The following LINGO2 variants were observed in gnomAD, a reference collection of about 807,000 sequenced individuals.
LINGO2 encodes leucine-rich repeat and immunoglobulin-like domain-containing nogo receptor-interacting protein 2.
Under a neutral mutation model 30.6 loss-of-function variants are expected in LINGO2, and 14 were observed. The ratio of observed to expected loss-of-function variants is 0.46; its 90% confidence interval spans 0.30 to 0.72. The LOEUF (loss-of-function observed/expected upper bound fraction) is 0.72. Ranked by LOEUF, LINGO2 falls within the 30% of genes least tolerant of loss-of-function variation. LINGO2 has a pLI of 0.07. For synonymous variants in LINGO2, 317 were observed against 288.5 expected, an observed-to-expected ratio of 1.10 and a Z score of -1.00; for missense variants, 729 against 751.7, an observed-to-expected ratio of 0.97 and a Z score of 0.35.
the LINGO2 span, among the ~76,000 whole-genome samples, chr9:29,041,677 T>C: frequency 6.6e-6 from 1 of 152,014 alleles, no homozygotes. Context: ...TGAACTTAGG[T>C]GTCAAACTAA....
the LINGO2 span, among the ~76,000 whole-genome samples, chr9:28,815,184 C>T: frequency 6.6e-6 from 1 of 152,226 alleles, no homozygotes; most frequent in Non-Finnish European, 1.5e-5. Flanking sequence ...GAAGACGCAC[C>T]TCACAACCCA....
chr9:28,904,129 T>C, the LINGO2 span, among the ~76,000 whole-genome samples: 1 of 150,446 alleles, frequency 6.6e-6, no homozygotes, highest in African/African-American at 2.4e-5. Context: ...TCTCAATCAA[T>C]ACAGAAAAAG....
chr9:28,666,011 C>T (rs909805501), intron 1 of LINGO2, among the ~76,000 whole-genome samples: 31 of 151,640 alleles, frequency 2.0e-4, no homozygotes, highest in African/African-American at 7.5e-4. Context: ...CCTGCCTCAG[C>T]CTCCTGAGTA....
chr9:28,474,574 G>A (rs1251809181), intron 2 of LINGO2, among the ~76,000 whole-genome samples: 1 of 152,006 alleles, frequency 6.6e-6, no homozygotes, highest in East Asian at 1.9e-4. Flanking sequence ...TATAATTTTT[G>A]TCATTTTTCA....
intron 1 of LINGO2, among the ~76,000 whole-genome samples, chr9:28,650,728 C>G (rs1279649693): frequency 6.6e-6 from 1 of 152,140 alleles, no homozygotes; most frequent in Admixed American, 6.5e-5. Context: ...TCTCAACAAA[C>G]AAACAAACTA....
chr9:28,861,330 T>G, the LINGO2 span, among the ~76,000 whole-genome samples: 1 of 131,448 alleles, frequency 7.6e-6, no homozygotes, highest in South Asian at 2.1e-4. Flanking sequence ...CTATATATAA[T>G]ATATATTATT....
intron 4 of LINGO2, among the ~76,000 whole-genome samples, chr9:28,081,992 T>C (rs1825785801): frequency 6.6e-6 from 1 of 152,196 alleles, no homozygotes; most frequent in South Asian, 2.1e-4. Context: ...AAGTATCAAT[T>C]AAGGTACTGT....
intron 3 of LINGO2, among the ~76,000 whole-genome samples, chr9:28,332,689 A>G (rs1316072686): frequency 1.3e-5 from 2 of 152,146 alleles, no homozygotes; most frequent in Non-Finnish European, 2.9e-5. Context: ...TCATGAAAAG[A>G]GAATCAAATG....
At chr9:28,765,919 A>G in the LINGO2 span, among the ~76,000 whole-genome samples, 1 of 152,110 alleles carries the variant, frequency 6.6e-6, no homozygotes, top group African/African-American at 2.4e-5. Context: ...AATAAATACA[A>G]CTGTCATACA....
At chr9:28,494,757 A>G (rs558013646) in intron 1 of LINGO2, among the ~76,000 whole-genome samples, 3 of 152,144 alleles carry the variant, frequency 2.0e-5, no homozygotes, top group Admixed American at 6.6e-5. Context: ...TGGGTCAAAT[A>G]GTATTTCTAG....
chr9:29,212,107 A>T, the LINGO2 span, among the ~76,000 whole-genome samples: 1 of 152,282 alleles, frequency 6.6e-6, no homozygotes, highest in East Asian at 1.9e-4. Context: ...GGCTGCCCTC[A>T]GGGTGCGGGT....
the LINGO2 span, among the ~76,000 whole-genome samples, chr9:29,146,119 C>T: frequency 6.6e-6 from 1 of 152,076 alleles, no homozygotes; most frequent in Non-Finnish European, 1.5e-5. Flanking sequence ...TAAAGCTGCA[C>T]TAGAGTATCA....
intron 5 of LINGO2, among the ~76,000 whole-genome samples, chr9:28,010,424 A>G (rs905083061): frequency 6.6e-6 from 1 of 152,098 alleles, no homozygotes; most frequent in Admixed American, 6.5e-5. Flanking sequence ...CCCATATGAT[A>G]CCACTTGATT....
intron 1 of LINGO2, among the ~76,000 whole-genome samples, chr9:28,550,124 G>C (rs1288619872): frequency 6.6e-6 from 1 of 151,902 alleles, no homozygotes; most frequent in Admixed American, 6.6e-5. Flanking sequence ...CTCTCAGAAA[G>C]CTGTGCATTA....
At chr9:28,499,945 C>A (rs75109203) in intron 1 of LINGO2, among the ~76,000 whole-genome samples, 3,234 of 152,244 alleles carry the variant, frequency 0.021, 102 homozygotes, top group East Asian at 0.099. Context: ...AGAAACTTCT[C>A]TTTGATGGTA....
rs536601284 is a variant in LINGO2, at chr9:28,581,835, ATATT to A, written c.-365+88361_-365+88364del. Among the ~76,000 whole-genome samples the A allele has an allele frequency of 1.4e-4, 22 of 152,094 alleles. No homozygotes were observed. In the South Asian group the frequency reaches 4.4e-3, roughly 30 times the overall value. On this transcript the variant is annotated intron_variant, in intron 1 of 5. Coordinates refer to ENST00000379992, the Ensembl canonical transcript of LINGO2. ...TTCTGAAAATTAATTTTCATAATTC[ATATT>A]TATTTTAGAAATGTTAAAGAAGCAT...
chr9:28,626,326 T>TA (rs1019229074), intron 1 of LINGO2, among the ~76,000 whole-genome samples: 1 of 152,118 alleles, frequency 6.6e-6, no homozygotes, highest in Non-Finnish European at 1.5e-5. Context: ...ATAAGTATTG[T>TA]AATTTTTTCC....
the LINGO2 span, among the ~76,000 whole-genome samples, chr9:28,773,020 C>G: frequency 6.6e-6 from 1 of 152,142 alleles, no homozygotes; most frequent in Middle Eastern, 3.4e-3. Flanking sequence ...ATAATAATCA[C>G]ATAAAAGTGA....
the LINGO2 span, among the ~76,000 whole-genome samples, chr9:28,799,221 A>G: frequency 6.6e-6 from 1 of 152,062 alleles, no homozygotes; most frequent in African/African-American, 2.4e-5. Flanking sequence ...TATGTCAATC[A>G]TCAAGAAATT....
Sources: gnomAD v4.1 joint callset for allele counts (sites outside exome capture counted in the v4.1 genomes callset) on GRCh38, gnomAD v4.1.1 for gene constraint, MANE v1.5 for transcripts, NCBI Gene and HGNC (gene_info 2026-07-23, HGNC 2026-07-21) for gene names.